Variants in GRIP1 observed in about 807,000 individuals in gnomAD.
GRIP1 encodes the protein glutamate receptor interacting protein 1.
GRIP1 carries 45 observed loss-of-function variants against 129.9 expected under a neutral mutation model. That is an observed-to-expected ratio of 0.35 (90% CI 0.27 to 0.44). The LOEUF is 0.44. Among genes scored for constraint, GRIP1 ranks in the 20% least tolerant of loss-of-function variants. The pLI is 1.00. For missense variants in GRIP1, 1,196 were observed against 1,396.8 expected (o/e 0.86, Z 2.29); for synonymous variants, 530 against 520.8 (o/e 1.02, Z -0.24).
Position 66,678,992 on chromosome 12 carries a change from A to C in GRIP1, c.-88T>G. On this transcript the variant is annotated 5_prime_UTR_variant, in exon 1 of 25. Transcript: ENST00000359742. ...GCAGCAGCATATGAATTCCTTGCGC[A>C]CATACCAGGAGAAAGGTAGTCCCAG... The C allele has an allele frequency of 6.2e-7, 1 of 1,603,254 alleles. No homozygotes were observed. The highest frequency in any genetic ancestry group is 8.5e-7 in the Non-Finnish European group (1 of 1,174,112).
At chr12:66,720,782 C>T (rs968686921) in intron 1 of GRIP1, among the ~76,000 whole-genome samples, 1 of 152,104 alleles carries the variant, frequency 6.6e-6, no homozygotes, top group Non-Finnish European at 1.5e-5. Flanking sequence ...TTGTTATTTC[C>T]ACCATATCTG....
chr12:66,669,139 A>G (rs1342094067), intron 1 of GRIP1, among the ~76,000 whole-genome samples: 1 of 151,930 alleles, frequency 6.6e-6, no homozygotes. Flanking sequence ...TTGGCCAGGC[A>G]TGGTGGCTCA....
intron 1 of GRIP1, among the ~76,000 whole-genome samples, chr12:66,935,206 A>G (rs2041464837): frequency 6.6e-6 from 1 of 152,140 alleles, no homozygotes; most frequent in East Asian, 1.9e-4. Flanking sequence ...AAATTTATAA[A>G]CCAAACAGTT....
chr12:67,063,555 T>G (rs1355232704), intron 1 of GRIP1, among the ~76,000 whole-genome samples: 5 of 152,206 alleles, frequency 3.3e-5, no homozygotes, highest in African/African-American at 7.2e-5. Context: ...AAACCCAGCA[T>G]TTGGCTTCGC....
intron 1 of GRIP1, among the ~76,000 whole-genome samples, chr12:66,674,356 T>C (rs971174961): frequency 1.3e-5 from 2 of 152,210 alleles, no homozygotes; most frequent in African/African-American, 4.8e-5. Flanking sequence ...GATACTGAAC[T>C]CTGTGATGGA....
intron 1 of GRIP1, among the ~76,000 whole-genome samples, chr12:66,702,772 AAG>A (rs930356951): frequency 1.3e-5 from 2 of 152,216 alleles, no homozygotes; most frequent in Non-Finnish European, 2.9e-5. Context: ...TCTACTTAAC[AAG>A]AGGAGGTCTA....
At chr12:67,062,343 C>T (rs1439942342) in intron 1 of GRIP1, among the ~76,000 whole-genome samples, 1 of 152,148 alleles carries the variant, frequency 6.6e-6, no homozygotes, top group African/African-American at 2.4e-5. Flanking sequence ...CTCTACACTC[C>T]ATCCCCTTTA....
intron 1 of GRIP1, among the ~76,000 whole-genome samples, chr12:66,888,464 A>G (rs540497599): frequency 6.6e-6 from 1 of 152,294 alleles, no homozygotes; most frequent in Non-Finnish European, 1.5e-5. Context: ...GGTTCAAGCA[A>G]TTCTTGTGCC....
intron 1 of GRIP1, among the ~76,000 whole-genome samples, chr12:67,054,997 C>T (rs1476073339): frequency 6.6e-6 from 1 of 152,106 alleles, no homozygotes; most frequent in Non-Finnish European, 1.5e-5. Context: ...CTGGGTTTAC[C>T]AATGTAGAGG....
rs138258055 is a variant in GRIP1, at chr12:66,678,862, G to A, written c.43C>T (p.Arg15Ter). ...SFKCRCQILRRLTKDESPYTK... is the reference protein window; with the variant it reads ...SFKCRCQILR Reference sequence around the variant, plus strand: ...GAAAGCACGATACCTTTAGTAAGTCGCCTCAGAATTTGACAACGGCATTTA... The same window carrying A: ...GAAAGCACGATACCTTTAGTAAGTCACCTCAGAATTTGACAACGGCATTTA... The change falls in exon 1 of 25, where the codon CGA becomes TGA. Residue 15 changes from arginine to a stop codon, truncating the protein, a stop_gained. Coordinates refer to ENST00000359742, the MANE Select transcript of GRIP1 (RefSeq NM_001366722.1). LOFTEE classifies it high-confidence loss of function. 2.7e-5 allele frequency: 44 copies of A among 1,613,264 alleles called. No homozygotes were observed. Among genetic ancestry groups the A allele is most frequent in the Non-Finnish European group, 3.5e-5 (41 of 1,179,434 alleles).
intron 1 of GRIP1, among the ~76,000 whole-genome samples, chr12:67,052,376 C>T (rs2043360151): frequency 6.6e-6 from 1 of 152,106 alleles, no homozygotes; most frequent in Non-Finnish European, 1.5e-5. Flanking sequence ...CTTGTAATTA[C>T]TACATTATTG....
At chr12:66,707,377 G>C (rs545845596) in intron 1 of GRIP1, among the ~76,000 whole-genome samples, 75 of 151,806 alleles carry the variant, frequency 4.9e-4, no homozygotes, top group Admixed American at 2.6e-3. Flanking sequence ...ATGTAAGTAA[G>C]CAACATGAAT....
rs143645878 is a variant in GRIP1 at position 67,060,918 on chromosome 12, T to C, written c.58+8132A>G. Among the ~76,000 whole-genome samples the C allele has an allele frequency of 6.0e-3, 905 of 151,742 alleles. 10 individuals carry two copies. The highest frequency in any genetic ancestry group is 0.02 in the African/African-American group (817 of 41,348). The stretch of plus-strand genomic sequence containing the variant: ...TTCCAAACATCATTTTAATTGAGAA[T>C]AATGATCTTTTGGATATTGGGTTGT... On this transcript the variant is annotated intron_variant, in intron 1 of 1. Coordinates refer to the GRIP1 transcript ENST00000643019.
At chr12:66,788,507 T>C (rs1272172002) in intron 1 of GRIP1, among the ~76,000 whole-genome samples, 1 of 151,766 alleles carries the variant, frequency 6.6e-6, no homozygotes, top group East Asian at 1.9e-4. Context: ...TCTCTTCTAA[T>C]GAACAGAAGG....
At chr12:66,951,244 C>A (rs1371618457) in intron 1 of GRIP1, among the ~76,000 whole-genome samples, 1 of 152,116 alleles carries the variant, frequency 6.6e-6, no homozygotes, top group East Asian at 1.9e-4. Flanking sequence ...TAATATTTTA[C>A]TGATATTAAC....
chr12:67,013,709 G>A (rs1333642617), intron 1 of GRIP1, among the ~76,000 whole-genome samples: 1 of 152,142 alleles, frequency 6.6e-6, no homozygotes, highest in Non-Finnish European at 1.5e-5. Context: ...TAGAGAATGT[G>A]GTTGTCTGCC....
At chr12:66,990,406 G>A (rs2042376727) in intron 1 of GRIP1, among the ~76,000 whole-genome samples, 1 of 152,118 alleles carries the variant, frequency 6.6e-6, no homozygotes, top group Non-Finnish European at 1.5e-5. Context: ...TCCAGCTCTG[G>A]CTCAGATTTG....
chr12:66,706,381 G>T (rs2035528606), intron 1 of GRIP1, among the ~76,000 whole-genome samples: 1 of 151,970 alleles, frequency 6.6e-6, no homozygotes, highest in Admixed American at 6.6e-5. Context: ...TGCTGGTGAG[G>T]CTGTGGAGAA....
In GRIP1 at chr12:66,715,374, T is replaced by C. The variant is rs566774547; in HGVS notation, c.-419-85038A>G. Reference sequence around the variant, plus strand: ...CCTGTGAGGAGAAGTTCCTCACTTATTGGATGAACAAATTCCTATTTTAGC... The same window carrying C: ...CCTGTGAGGAGAAGTTCCTCACTTACTGGATGAACAAATTCCTATTTTAGC... On this transcript the variant is annotated intron_variant, in intron 1 of 4. Transcript: ENST00000538373. Among the ~76,000 whole-genome samples, 23 of 151,802 alleles carry C rather than the reference T, an allele frequency of 1.5e-4. No individual in the cohort carries two copies. The South Asian group carries it at 4.2e-3, about 27-fold the overall frequency.
Sources: gnomAD v4.1 joint callset for allele counts (sites outside exome capture counted in the v4.1 genomes callset) on GRCh38, gnomAD v4.1.1 for gene constraint, MANE v1.5 for transcripts, NCBI Gene and HGNC (gene_info 2026-07-23, HGNC 2026-07-21) for gene names.